Variants in THSD7B observed in about 807,000 individuals in gnomAD.
The protein encoded by THSD7B is thrombospondin type-1 domain-containing protein 7B.
A neutral mutation model predicts 213.6 loss-of-function variants in THSD7B; 138 were observed. The observed-to-expected ratio is 0.65, with a 90% CI of 0.56 to 0.74. The LOEUF (loss-of-function observed/expected upper bound fraction) is 0.74. Among genes scored for constraint, THSD7B ranks in the 30% least tolerant of loss-of-function variants. The pLI is 0.00. For missense variants in THSD7B, 1,931 were observed against 1,991.5 expected (o/e 0.97, Z 0.58); for synonymous variants, 742 against 687.0 (o/e 1.08, Z -1.25).
chr2:137,478,660 A>G (rs1361788481), intron 15 of THSD7B, among the ~76,000 whole-genome samples: 1 of 152,088 alleles, frequency 6.6e-6, no homozygotes, highest in Non-Finnish European at 1.5e-5. Flanking sequence ...CCTTACATTG[A>G]TATCTGTGCC....
intron 3 of THSD7B, among the ~76,000 whole-genome samples, chr2:137,072,656 G>A (rs1362492788): frequency 6.6e-6 from 1 of 152,208 alleles, no homozygotes; most frequent in African/African-American, 2.4e-5. Context: ...TAGGAGTGGT[G>A]AGAGGGGGCG....
intron 16 of THSD7B, among the ~76,000 whole-genome samples, chr2:137,563,947 G>A (rs896827440): frequency 6.6e-6 from 1 of 152,140 alleles, no homozygotes; most frequent in African/African-American, 2.4e-5. Flanking sequence ...GAAATACATG[G>A]TCTGAGTTTG....
chr2:136,822,064 A>C (rs185463005), intron 1 of THSD7B, among the ~76,000 whole-genome samples: 18 of 152,302 alleles, frequency 1.2e-4, no homozygotes, highest in African/African-American at 4.1e-4. Context: ...GGAGAGAACC[A>C]TATTCACACT....
Position 137,232,916 on chromosome 2 carries a change from C to T in THSD7B, c.1933C>T (p.Pro645Ser), listed in dbSNP as rs1681673322. ...LAGEGGKPCP[P>S]SQALQEHRLC... is the part of the protein sequence containing the mutation. ...TTTGGCAGGTGGAAAGCCATGTCCC[C>T]CTAGTCAGGCTCTCCAAGAGCATCG... Residue 645 changes from proline to serine, a missense_variant, in exon 9 of 28, where the codon CCT becomes TCT. Transcript: ENST00000409968. 3.1e-6 allele frequency: 5 copies of T among 1,613,848 alleles called. 1 individual carries two copies. In the Middle Eastern group the frequency reaches 8.2e-4, roughly 266 times the overall value.
Position 137,072,123 on chromosome 2 carries a change from G to C in THSD7B, c.950+14893G>C, listed in dbSNP as rs553549223. On this transcript the variant is annotated intron_variant, in intron 3 of 27. Transcript: ENST00000409968. ...TTGGTTCCATATGAACTTTAAAGTA[G>C]TTTTTTCCAATTCTGTGAAGAAAGT... is the stretch of plus-strand genomic sequence containing the variant. Among the ~76,000 whole-genome samples the C allele has an allele frequency of 1.2e-3, 179 of 152,264 alleles. 1 individual carries two copies. Among genetic ancestry groups the C allele is most frequent in the African/African-American group, 4.2e-3 (175 of 41,558 alleles).
chr2:136,938,507 C>T (rs1371284535), intron 2 of THSD7B, among the ~76,000 whole-genome samples: 2 of 151,854 alleles, frequency 1.3e-5, no homozygotes, highest in Non-Finnish European at 2.9e-5. Flanking sequence ...TATTTATTTC[C>T]CTATGTACTG....
At chr2:136,878,607 A>C (rs1299765379) in intron 1 of THSD7B, among the ~76,000 whole-genome samples, 1 of 151,946 alleles carries the variant, frequency 6.6e-6, no homozygotes, top group African/African-American at 2.4e-5. Flanking sequence ...AATGATCGCC[A>C]TTCTAACTGG....
chr2:137,342,963 G>A (rs1160828901), intron 12 of THSD7B, among the ~76,000 whole-genome samples: 3 of 150,962 alleles, frequency 2.0e-5, no homozygotes, highest in South Asian at 2.1e-4. Context: ...TTCCCCCTTT[G>A]TTCATTAAGG....
At chr2:136,940,891 A>G (rs142644109) in intron 2 of THSD7B, among the ~76,000 whole-genome samples, 1 of 149,470 alleles carries the variant, frequency 6.7e-6, no homozygotes, top group African/African-American at 2.5e-5. Flanking sequence ...GTTCTAGGGT[A>G]CATGTGCACA....
In THSD7B at chr2:137,467,711, C is replaced by T. The variant is rs150514761; in HGVS notation, c.3138+16688C>T. Among the ~76,000 whole-genome samples the T allele has an allele frequency of 6.4e-4, 98 of 152,262 alleles. 1 individual carries two copies. Among genetic ancestry groups the T allele is most frequent in the African/African-American group, 2.3e-3 (95 of 41,578 alleles). On this transcript the variant is annotated intron_variant, in intron 15 of 27. Transcript: ENST00000409968. Reference sequence around the variant, plus strand: ...TAAGTCACATATCAGAAAGTCTCATCTGCAATGGAAAAATTGGCCTAATAC... The same window carrying T: ...TAAGTCACATATCAGAAAGTCTCATTTGCAATGGAAAAATTGGCCTAATAC...
intron 12 of THSD7B, among the ~76,000 whole-genome samples, chr2:137,375,780 C>A (rs1573992371): frequency 6.6e-6 from 1 of 152,250 alleles, no homozygotes; most frequent in East Asian, 1.9e-4. Flanking sequence ...AACATAATTC[C>A]AGCAGCACCT....
intron 15 of THSD7B, among the ~76,000 whole-genome samples, chr2:137,516,657 G>T (rs115753065): frequency 6.6e-6 from 1 of 152,098 alleles, no homozygotes; most frequent in Admixed American, 6.5e-5. Context: ...GGCTCCAGTG[G>T]GTCCACGGAC....
intron 2 of THSD7B, among the ~76,000 whole-genome samples, chr2:137,003,444 G>T (rs747694573): frequency 6.6e-6 from 1 of 152,178 alleles, no homozygotes; most frequent in Non-Finnish European, 1.5e-5. Context: ...AACAATAGAA[G>T]AATTGCTCAA....
intron 14 of THSD7B, among the ~76,000 whole-genome samples, chr2:137,422,846 G>T (rs1019004239): frequency 6.6e-6 from 1 of 151,976 alleles, no homozygotes; most frequent in Non-Finnish European, 1.5e-5. Flanking sequence ...ATGGAATCAA[G>T]ATTTCTTTAT....
chr2:136,783,198 C>A (rs1370675954), intron 1 of THSD7B, among the ~76,000 whole-genome samples: 1 of 152,174 alleles, frequency 6.6e-6, no homozygotes, highest in Non-Finnish European at 1.5e-5. Context: ...TGTCCATTCT[C>A]ATCTTGTTTT....
At chr2:137,642,815 T>G (rs1407401738) in intron 21 of THSD7B, among the ~76,000 whole-genome samples, 182 bp downstream of exon 21, 2 of 152,168 alleles carry the variant, frequency 1.3e-5, no homozygotes, top group Non-Finnish European at 2.9e-5. Context: ...CAGAGTGATA[T>G]TGCTAGGGTA....
intron 12 of THSD7B, among the ~76,000 whole-genome samples, chr2:137,317,622 T>C (rs966073429): frequency 6.6e-6 from 1 of 152,202 alleles, no homozygotes; most frequent in African/African-American, 2.4e-5. Context: ...GATGCTGGGC[T>C]GGGTAGGATG....
intron 2 of THSD7B, among the ~76,000 whole-genome samples, chr2:137,006,324 G>C (rs889420476): frequency 2.0e-5 from 3 of 152,282 alleles, no homozygotes; most frequent in African/African-American, 7.2e-5. Context: ...GAACCCGGGA[G>C]GCGGAGCTTG....
intron 1 of THSD7B, among the ~76,000 whole-genome samples, chr2:136,873,512 G>T (rs1029414388): frequency 1.3e-5 from 2 of 152,146 alleles, no homozygotes; most frequent in African/African-American, 4.8e-5. Context: ...CCTTCGCAGG[G>T]TCAGTGTGAA....
Sources: gnomAD v4.1 joint callset for allele counts (sites outside exome capture counted in the v4.1 genomes callset) on GRCh38, gnomAD v4.1.1 for gene constraint, MANE v1.5 for transcripts, NCBI Gene and HGNC (gene_info 2026-07-23, HGNC 2026-07-21) for gene names.